Variants in PPP1R12B observed in about 807,000 individuals in gnomAD.
PPP1R12B encodes the protein myosin phosphatase target subunit 2.
PPP1R12B carries 76 observed loss-of-function variants against 126.1 expected under a neutral mutation model. The ratio of observed to expected loss-of-function variants is 0.60; its 90% CI spans 0.50 to 0.73. PPP1R12B has a LOEUF of 0.73. Among genes scored for constraint, PPP1R12B ranks in the 30% least tolerant of loss-of-function variants. The pLI is 0.00. For missense variants in PPP1R12B, 1,052 were observed against 1,205.1 expected, an observed-to-expected ratio of 0.87 and a Z score of 1.88; for synonymous variants, 356 against 434.7, an observed-to-expected ratio of 0.82 and a Z score of 2.25.
chr1:202,460,130 G>A (rs1173897973), intron 13 of PPP1R12B, among the ~76,000 whole-genome samples: 1 of 152,112 alleles, frequency 6.6e-6, no homozygotes, highest in East Asian at 1.9e-4. Flanking sequence ...TTTTCCTTTA[G>A]CTTTTTCTCT....
intron 18 of PPP1R12B, among the ~76,000 whole-genome samples, chr1:202,511,339 C>G (rs1251387688): frequency 2.6e-5 from 4 of 151,838 alleles, no homozygotes; most frequent in African/African-American, 9.7e-5. Flanking sequence ...GCCTCAGCCT[C>G]CTGAGTAGCT....
chr1:202,377,998 C>G (rs1017828451), intron 1 of PPP1R12B, among the ~76,000 whole-genome samples: 48 of 151,592 alleles, frequency 3.2e-4, no homozygotes, highest in African/African-American at 1.1e-3. Flanking sequence ...GCCACCTCGC[C>G]CGGCTAATTT....
intron 10 of PPP1R12B, chr1:202,439,138 G>C: frequency 1.9e-6 from 3 of 1,581,220 alleles, no homozygotes; most frequent in Middle Eastern, 1.7e-4. Flanking sequence ...AGCTCCTGTA[G>C]TTGAAGGTGA....
chr1:202,401,337 C>T lies in PPP1R12B; in HGVS notation c.292-15450C>T, dbSNP rs1665800895. The stretch of plus-strand genomic sequence containing the variant: ...CCCGAGTAGCTAGGACTACAGTTGT[C>T]CACCACCATGGCTGGCTAATTTAAT... On this transcript the variant is annotated intron_variant, in intron 1 of 23. Coordinates refer to ENST00000608999, the MANE Select transcript of PPP1R12B (RefSeq NM_002481.4). 2.0e-5 allele frequency among the ~76,000 whole-genome samples: 3 copies of T among 149,126 alleles called. No homozygotes were observed. The South Asian group carries it at 6.5e-4, about 32-fold the overall frequency.
At chr1:202,555,566 C>T (rs1686840853) in intron 18 of PPP1R12B, among the ~76,000 whole-genome samples, 1 of 151,580 alleles carries the variant, frequency 6.6e-6, no homozygotes, top group Non-Finnish European at 1.5e-5. Flanking sequence ...CCTCAGTCTG[C>T]ACACCATGGA....
chr1:202,495,520 T>C (rs1679442057), intron 16 of PPP1R12B, 38 bp downstream of exon 16: 5 of 1,610,306 alleles, frequency 3.1e-6, no homozygotes, highest in African/African-American at 1.3e-5. Context: ...CCCTCCACAG[T>C]GCACATCCCC....
chr1:202,490,228 G>A (rs1678679242), intron 14 of PPP1R12B, among the ~76,000 whole-genome samples: 2 of 152,182 alleles, frequency 1.3e-5, no homozygotes, highest in Admixed American at 6.5e-5. Flanking sequence ...TGAATGAAAA[G>A]TCCATTTCCA....
chr1:202,465,304 G>A (rs1344410425), intron 13 of PPP1R12B, among the ~76,000 whole-genome samples: 2 of 152,210 alleles, frequency 1.3e-5, no homozygotes, highest in Non-Finnish European at 2.9e-5. Flanking sequence ...GTCTTCACTG[G>A]ATATTTGTAT....
intron 23 of PPP1R12B, chr1:202,575,349 G>A: frequency 1.7e-6 from 1 of 605,636 alleles, no homozygotes; most frequent in Admixed American, 3.2e-5. Context: ...CAGTGAGAGA[G>A]ACCTCAGCTG....
chr1:202,502,292 A>T, intron 18 of PPP1R12B: 1 of 984,908 alleles, frequency 1.0e-6, no homozygotes, highest in East Asian at 1.1e-4. Context: ...TCGTGGAGAG[A>T]TCTGTTGGTA....
rs1471435386 is a variant in PPP1R12B at position 202,495,296 on chromosome 1, A to G, written c.2149A>G (p.Ile717Val). The change falls in exon 16 of 24, where the codon ATC (isoleucine) becomes GTC (valine). Residue 717 changes from isoleucine to valine, a missense_variant. By Grantham distance (29) the Ile-to-Val change is conservative. Transcript: ENST00000608999. The stretch of plus-strand genomic sequence containing the variant: ...TCATATTGTGGATTATTTCCAGCCT[A>G]TCTGTCATCGCCTGAGGTGCCCAGC... Reference protein sequence around the residue: ...PWGRSLDEEPICHRLRCPAQP... With the variant: ...PWGRSLDEEPVCHRLRCPAQP... 1 of 1,551,590 alleles carries G rather than the reference A, an allele frequency of 6.4e-7. No individual in the cohort carries two copies.
intron 23 of PPP1R12B, among the ~76,000 whole-genome samples, chr1:202,578,059 G>A (rs903116494): frequency 2.0e-5 from 3 of 152,138 alleles, no homozygotes; most frequent in Non-Finnish European, 2.9e-5. Context: ...TGAACTTTGT[G>A]GGGCTTCCCC....
intron 1 of PPP1R12B, among the ~76,000 whole-genome samples, chr1:202,370,877 T>C (rs1318597509): frequency 1.3e-5 from 2 of 152,176 alleles, no homozygotes; most frequent in East Asian, 3.9e-4. Flanking sequence ...ACTTGCTGTT[T>C]TCTGATGTGG....
At chr1:202,423,479 T>G (rs560344786) in intron 3 of PPP1R12B, among the ~76,000 whole-genome samples, 1 of 152,356 alleles carries the variant, frequency 6.6e-6, no homozygotes, top group East Asian at 1.9e-4. Flanking sequence ...TGCGCATTGT[T>G]TACATATTAT....
Position 202,586,440 on chromosome 1 carries a change from T to G in PPP1R12B, c.*5880T>G, listed in dbSNP as rs377660828. ...AAATGAGTTCTGTCTCACTGGTGAC[T>G]TCATCCCTCAGGCTCCAGCTGAGCA... On this transcript the variant is annotated 3_prime_UTR_variant, in exon 24 of 24. Transcript: ENST00000608999. 6 of 152,366 alleles carry G rather than the reference T, an allele frequency of 3.9e-5. No individual in the cohort carries two copies. The East Asian group carries it at 9.6e-4, about 24-fold the overall frequency. The allele number at this position is 152,366 out of a possible 1,614,324, so 9.4% of individuals were successfully genotyped here.
rs1689643299 is a variant in PPP1R12B, at chr1:202,583,145, A to C, written c.*2585A>C. 6.6e-6 allele frequency: 1 copy of C among 152,166 alleles called. No homozygotes were observed. The highest frequency in any genetic ancestry group is 2.4e-5 in the African/African-American group (1 of 41,436). 9.4% of individuals were successfully genotyped at this position (152,166 alleles called of 1,614,324 possible). A position where few individuals can be genotyped will look rare whatever the true frequency, so the allele number is the denominator to read the frequency against. Reference sequence around the variant, plus strand: ...AGGAAATCAACATAAGGTGTTGACTAATTGATTATCCTGGAACATTTTGAA... The same window carrying C: ...AGGAAATCAACATAAGGTGTTGACTCATTGATTATCCTGGAACATTTTGAA... On this transcript the variant is annotated 3_prime_UTR_variant, in exon 24 of 24. Coordinates refer to ENST00000608999, the MANE Select transcript of PPP1R12B (RefSeq NM_002481.4).
intron 2 of PPP1R12B, chr1:202,417,506 C>T (rs182239065): frequency 1.6e-6 from 1 of 634,878 alleles, no homozygotes; most frequent in Admixed American, 6.3e-5. Flanking sequence ...CTCCCGTGGG[C>T]AGAAGAATCC....
At chr1:202,552,823 A>C (rs1686460095) in intron 18 of PPP1R12B, among the ~76,000 whole-genome samples, 1 of 152,228 alleles carries the variant, frequency 6.6e-6, no homozygotes, top group South Asian at 2.1e-4. Context: ...ACTTGGTCTC[A>C]TTCCTTTCCC....
intron 1 of PPP1R12B, among the ~76,000 whole-genome samples, chr1:202,396,618 C>CT (rs1665018450): frequency 6.6e-6 from 1 of 152,068 alleles, no homozygotes; most frequent in Non-Finnish European, 1.5e-5. Flanking sequence ...TTTGTTATTA[C>CT]TTTTTTGAGA....
Sources: gnomAD v4.1 joint callset for allele counts (sites outside exome capture counted in the v4.1 genomes callset) on GRCh38, gnomAD v4.1.1 for gene constraint, MANE v1.5 for transcripts, NCBI Gene and HGNC (gene_info 2026-07-23, HGNC 2026-07-21) for gene names.